PITPNC1: variants seen among roughly 807,000 people sequenced by gnomAD.
The protein encoded by PITPNC1 is cytoplasmic phosphatidylinositol transfer protein 1.
A neutral mutation model predicts 44.7 loss-of-function variants in PITPNC1; 18 were observed. That is an observed-to-expected ratio of 0.40 (90% CI 0.28 to 0.60). The LOEUF (loss-of-function observed/expected upper bound fraction) is 0.60. PITPNC1 is among the 20% of genes least tolerant of loss of function. The pLI, the probability that PITPNC1 is intolerant of heterozygous loss-of-function variation, is 0.39. For synonymous variants in PITPNC1, 141 were observed against 149.6 expected (o/e 0.94, Z 0.42); for missense variants, 290 against 418.4 (o/e 0.69, Z 2.68).
intron 4 of PITPNC1, among the ~76,000 whole-genome samples, chr17:67,570,187 G>A (rs962730159): frequency 2.0e-5 from 3 of 152,186 alleles, no homozygotes; most frequent in African/African-American, 7.2e-5. Context: ...ATCTAGGAAA[G>A]AAAAGAGTTC....
At chr17:67,414,519 A>G (rs978331559) in intron 1 of PITPNC1, among the ~76,000 whole-genome samples, 6 of 152,144 alleles carry the variant, frequency 3.9e-5, no homozygotes, top group African/African-American at 1.2e-4. Flanking sequence ...AAGGTCTGCA[A>G]CCTGCATTCC....
intron 1 of PITPNC1, among the ~76,000 whole-genome samples, chr17:67,458,950 C>T (rs2039293944): frequency 6.6e-6 from 1 of 152,014 alleles, no homozygotes; most frequent in African/African-American, 2.4e-5. Flanking sequence ...TTGGGATATC[C>T]ATTTTTCAGG....
At chr17:67,558,824 G>A (rs1275975773) in intron 4 of PITPNC1, among the ~76,000 whole-genome samples, 1 of 152,104 alleles carries the variant, frequency 6.6e-6, no homozygotes, top group African/African-American at 2.4e-5. Flanking sequence ...ACAGACCAGG[G>A]AGGATGAAAT....
In PITPNC1 at chr17:67,597,417, G is replaced by A. The variant is rs931865334; in HGVS notation, c.366+19160G>A. ...AAAAATACAAAAATTAGCCAGGCGC[G>A]GTGGCACACACCTGTAATCACAGCT... On this transcript the variant is annotated intron_variant, in intron 5 of 8. Transcript: ENST00000581322. The surrounding 1 kb of genome is among the most constrained non-coding windows in gnomAD (Gnocchi z 4.0). 2.0e-5 allele frequency among the ~76,000 whole-genome samples: 3 copies of A among 152,048 alleles called. No homozygotes were observed. Among genetic ancestry groups the A allele is most frequent in the South Asian group, 4.1e-4 (2 of 4,822 alleles).
At chr17:67,571,549 G>A (rs761007479) in intron 4 of PITPNC1, among the ~76,000 whole-genome samples, 6 of 152,244 alleles carry the variant, frequency 3.9e-5, no homozygotes, top group Non-Finnish European at 8.8e-5. Flanking sequence ...TCACCAGGTA[G>A]AAATCAAGGC....
chr17:67,657,156 GTT>G (rs200469435), intron 6 of PITPNC1, among the ~76,000 whole-genome samples: 2 of 146,066 alleles, frequency 1.4e-5, no homozygotes, highest in African/African-American at 5.1e-5. Flanking sequence ...CCCCACCCCC[GTT>G]TTTTTTGTTT....
chr17:67,667,100 A>G (rs561073055), intron 6 of PITPNC1, among the ~76,000 whole-genome samples: 15 of 152,314 alleles, frequency 9.8e-5, no homozygotes, highest in Admixed American at 6.5e-4. Flanking sequence ...TTTCTGCTTC[A>G]GCCTGTAGAC....
rs2037895855 is a variant in PITPNC1 at position 67,377,897 on chromosome 17, C to T, written c.-258C>T. 5.0e-6 allele frequency: 2 copies of T among 399,778 alleles called. No homozygotes were observed. The highest frequency in any genetic ancestry group is 4.7e-5 in the Admixed American group (1 of 21,476). The allele number at this position is 399,778 out of a possible 1,614,324, so 24.8% of individuals were successfully genotyped here. On this transcript the variant is annotated 5_prime_UTR_variant, in exon 1 of 9. Coordinates refer to ENST00000581322, the MANE Select transcript of PITPNC1 (RefSeq NM_012417.4). ...CGGGTCTCCCTCCCTGCCTCCCTGA[C>T]TTTGCAACACCGCGTTCCGGGAGGA...
intron 2 of PITPNC1, among the ~76,000 whole-genome samples, chr17:67,546,769 TCCCTGCCGGGGAGGC>T: frequency 6.6e-6 from 1 of 152,130 alleles, no homozygotes; most frequent in Non-Finnish European, 1.5e-5. Context: ...TTCTGGCCAG[TCCCTGCCGGGGAGGC>T]CCCGGCAGCC....
At chr17:67,495,634 A>G (rs1477305837) in intron 1 of PITPNC1, among the ~76,000 whole-genome samples, 1 of 152,118 alleles carries the variant, frequency 6.6e-6, no homozygotes, top group African/African-American at 2.4e-5. Context: ...AATATGCAGT[A>G]TTTGGTTTTC....
intron 1 of PITPNC1, among the ~76,000 whole-genome samples, chr17:67,440,402 C>G (rs2038996251): frequency 6.6e-6 from 1 of 152,080 alleles, no homozygotes; most frequent in African/African-American, 2.4e-5. Context: ...GGGTTTGAAT[C>G]CAAACTCTGT....
chr17:67,655,280 C>T lies in PITPNC1; in HGVS notation c.463-14228C>T, dbSNP rs113692936. On this transcript the variant is annotated intron_variant, in intron 6 of 8. Coordinates refer to ENST00000581322, the MANE Select transcript of PITPNC1 (RefSeq NM_012417.4). ...TCTTTTATAAGAGCACTAATTGGGC[C>T]GGGCTCGCTGGCTCATGCCTGTAAT... Among the ~76,000 whole-genome samples the T allele has an allele frequency of 6.4e-3, 966 of 152,056 alleles. 8 individuals carry two copies. The highest frequency in any genetic ancestry group is 0.022 in the African/African-American group (922 of 41,472).
intron 1 of PITPNC1, among the ~76,000 whole-genome samples, chr17:67,441,568 G>T (rs559651066): frequency 6.6e-6 from 1 of 152,178 alleles, no homozygotes; most frequent in African/African-American, 2.4e-5. Context: ...ATTGTAAAAG[G>T]CGGATGGAAA....
At chr17:67,511,179 A>G (rs561422358) in intron 1 of PITPNC1, among the ~76,000 whole-genome samples, 1 of 152,146 alleles carries the variant, frequency 6.6e-6, no homozygotes, top group South Asian at 2.1e-4. Context: ...GGAGAGCTCT[A>G]TTTCATGATT....
intron 2 of PITPNC1, among the ~76,000 whole-genome samples, chr17:67,538,075 C>G (rs2040554213): frequency 6.6e-6 from 1 of 151,584 alleles, no homozygotes; most frequent in African/African-American, 2.4e-5. Flanking sequence ...CATTATAAAG[C>G]TAATTCAGTA....
chr17:67,408,584 C>A (rs981996436), intron 1 of PITPNC1, among the ~76,000 whole-genome samples: 13 of 151,944 alleles, frequency 8.6e-5, no homozygotes, highest in Middle Eastern at 3.4e-3. Context: ...CTTCCCTTTC[C>A]CTTTCCCTTT....
At chr17:67,415,696 G>T (rs1218725972) in intron 1 of PITPNC1, among the ~76,000 whole-genome samples, 2 of 152,104 alleles carry the variant, frequency 1.3e-5, no homozygotes, top group East Asian at 1.9e-4. Flanking sequence ...CTTAATAAAT[G>T]AAATCTAAAA....
chr17:67,381,621 C>G (rs2037961738), intron 1 of PITPNC1, among the ~76,000 whole-genome samples: 1 of 151,918 alleles, frequency 6.6e-6, no homozygotes, highest in Non-Finnish European at 1.5e-5. Context: ...CGCCAGCCAC[C>G]GCACCCTGCT....
chr17:67,551,495 AT>A (rs1332799126), intron 2 of PITPNC1, among the ~76,000 whole-genome samples: 2 of 152,112 alleles, frequency 1.3e-5, no homozygotes, highest in African/African-American at 4.8e-5. Context: ...TTGCAGCAAC[AT>A]CATTTCCATG....
Sources: gnomAD v4.1 joint callset for allele counts (sites outside exome capture counted in the v4.1 genomes callset) on GRCh38, gnomAD v4.1.1 for gene constraint, Gnocchi (gnomAD v3.1) non-coding constraint, MANE v1.5 for transcripts, NCBI Gene and HGNC (gene_info 2026-07-23, HGNC 2026-07-21) for gene names.